The following DRD2 variants were observed in gnomAD, a reference collection of about 807,000 sequenced individuals.
DRD2 encodes the protein dopamine receptor D2.
A neutral mutation model predicts 38.0 loss-of-function variants in DRD2; 8 were observed. The ratio of observed to expected loss-of-function variants is 0.21; its 90% CI spans 0.12 to 0.38. The LOEUF (loss-of-function observed/expected upper bound fraction) is 0.38. Among genes scored for constraint, DRD2 ranks in the 10% least tolerant of loss-of-function variants. DRD2 has a pLI of 1.00. For synonymous variants in DRD2, 230 were observed against 238.6 expected (o/e 0.96, Z 0.33); for missense variants, 403 against 607.7 (o/e 0.66, Z 3.54).
intron 4 of DRD2, among the ~76,000 whole-genome samples, chr11:113,416,423 G>T (rs765837866): frequency 3.3e-5 from 5 of 152,176 alleles, no homozygotes; most frequent in Non-Finnish European, 7.3e-5. Flanking sequence ...GGTGGCTAAG[G>T]CCTGACCTGG....
intron 1 of DRD2, among the ~76,000 whole-genome samples, chr11:113,460,727 C>T (rs12291794): frequency 8.5e-5 from 13 of 152,328 alleles, no homozygotes; most frequent in African/African-American, 2.4e-4. Flanking sequence ...GTGACGTTAC[C>T]GTGGAGACAG....
At chr11:113,452,058 G>A (rs550230803) in intron 1 of DRD2, among the ~76,000 whole-genome samples, 68 of 152,178 alleles carry the variant, frequency 4.5e-4, no homozygotes, top group Non-Finnish European at 7.6e-4. Context: ...AGCAGCCCAA[G>A]AGGCCTGCAG....
intron 2 of DRD2, among the ~76,000 whole-genome samples, chr11:113,423,815 C>G (rs1950908980): frequency 1.3e-5 from 2 of 152,162 alleles, no homozygotes; most frequent in Non-Finnish European, 2.9e-5. Flanking sequence ...CCAGGATAAG[C>G]TGTGGGAAGG....
At chr11:113,474,242 A>C (rs917254673) in intron 1 of DRD2, 3 of 152,376 alleles carry the variant, frequency 2.0e-5, no homozygotes, top group African/African-American at 7.2e-5. Flanking sequence ...CTGCTCTTCA[A>C]GAGGAAGCAC....
chr11:113,466,868 CAAG>C (rs1174955368), intron 1 of DRD2, among the ~76,000 whole-genome samples: 4 of 152,164 alleles, frequency 2.6e-5, no homozygotes, highest in African/African-American at 9.7e-5. Context: ...GTGGAGAAGA[CAAG>C]AAATGCACAA....
intron 7 of DRD2, chr11:113,411,809 G>A (rs1950772532): frequency 6.6e-6 from 1 of 152,536 alleles, no homozygotes; most frequent in Non-Finnish European, 1.5e-5. Context: ...CACGCCCCAG[G>A]ATCATCCGGC....
chr11:113,444,286 C>T (rs577150695), intron 1 of DRD2, among the ~76,000 whole-genome samples: 1 of 152,320 alleles, frequency 6.6e-6, no homozygotes, highest in African/African-American at 2.4e-5. Context: ...ATCTGCGTGC[C>T]TCAGCCTCCC....
intron 1 of DRD2, among the ~76,000 whole-genome samples, chr11:113,459,253 T>C (rs1951294265): frequency 6.6e-6 from 1 of 152,234 alleles, no homozygotes. Flanking sequence ...ATAAATTGAA[T>C]GTACTGTGGG....
At chr11:113,438,395 A>G (rs775701665) in intron 1 of DRD2, among the ~76,000 whole-genome samples, 7 of 152,172 alleles carry the variant, frequency 4.6e-5, no homozygotes, top group African/African-American at 7.2e-5. Context: ...TAGGTGCCCA[A>G]TAAGTGGCAG....
chr11:113,470,971 C>A (rs1384836011), intron 1 of DRD2, among the ~76,000 whole-genome samples: 1 of 152,226 alleles, frequency 6.6e-6, no homozygotes, highest in African/African-American at 2.4e-5. Flanking sequence ...GGCATCCCAG[C>A]TGCCAAGGGT....
intron 2 of DRD2, among the ~76,000 whole-genome samples, chr11:113,420,505 T>C (rs1443658689): frequency 1.3e-5 from 2 of 152,220 alleles, no homozygotes; most frequent in African/African-American, 4.8e-5. Context: ...CATTGCACTT[T>C]ATCTCATGTA....
chr11:113,430,647 A>C (rs1317945433), intron 1 of DRD2, among the ~76,000 whole-genome samples: 1 of 152,192 alleles, frequency 6.6e-6, no homozygotes, highest in African/African-American at 2.4e-5. Flanking sequence ...GTTGGGCTCC[A>C]AGGGGCATCC....
At chr11:113,439,946 T>C (rs998885423) in intron 1 of DRD2, among the ~76,000 whole-genome samples, 6 of 145,460 alleles carry the variant, frequency 4.1e-5, no homozygotes, top group African/African-American at 1.3e-4. Flanking sequence ...AGAACCAGGA[T>C]TGCAATTAAG....
At position 113,415,322 on chromosome 11, in the gene DRD2, T is replaced by C. The variant is rs566751371; in HGVS notation, c.723+99A>G. 6.9e-5 allele frequency: 100 copies of C among 1,459,150 alleles called. No homozygotes were observed. In the East Asian group the frequency reaches 1.9e-3, roughly 27 times the overall value. 90.4% of individuals were successfully genotyped at this position (1,459,150 alleles called of 1,614,324 possible). A position where few individuals can be genotyped will look rare whatever the true frequency, so the allele number is the denominator to read the frequency against. ...AATTCCTTTAGCCTAGACCTAACCCTTGCTGAGGTTTCCCAAGCCCCCACC... is the reference window on the plus strand; with the variant it reads ...AATTCCTTTAGCCTAGACCTAACCCCTGCTGAGGTTTCCCAAGCCCCCACC... On this transcript the variant is annotated intron_variant, in intron 5 of 7. Coordinates refer to ENST00000362072, the MANE Select transcript of DRD2 (RefSeq NM_000795.4).
At chr11:113,471,334 G>A (rs545017076) in intron 1 of DRD2, among the ~76,000 whole-genome samples, 1 of 152,324 alleles carries the variant, frequency 6.6e-6, no homozygotes, top group South Asian at 2.1e-4. Context: ...AAAGGCCAGA[G>A]ATAACATTAG....
chr11:113,417,590 C>G (rs924812402), intron 3 of DRD2, among the ~76,000 whole-genome samples: 2 of 152,134 alleles, frequency 1.3e-5, no homozygotes, highest in African/African-American at 4.8e-5. Context: ...TGGCCTGGGA[C>G]CCTTGGCCAT....
At chr11:113,467,143 T>A (rs545414039) in intron 1 of DRD2, among the ~76,000 whole-genome samples, 3 of 152,198 alleles carry the variant, frequency 2.0e-5, no homozygotes, top group East Asian at 3.9e-4. Flanking sequence ...GACCCTGCCA[T>A]AAATGAGTGA....
chr11:113,411,054 A>C lies in DRD2; in HGVS notation c.1139-134T>G, dbSNP rs2734841. On this transcript the variant is annotated intron_variant, in intron 7 of 7. Coordinates refer to ENST00000362072, the MANE Select transcript of DRD2 (RefSeq NM_000795.4). ...CACAGAAGCACTGTAGGAGGAGTCC[A>C]GGTCTTGGATCCTAGACCTGCCTCT... is the stretch of plus-strand genomic sequence containing the variant. 607,727 of 916,124 alleles carry C rather than the reference A, an allele frequency of 0.66. 206,038 individuals are homozygous for C. Among genetic ancestry groups the C allele is most frequent in the Non-Finnish European group, 0.7 (430,905 of 611,446 alleles). 56.7% of individuals were successfully genotyped at this position (916,124 alleles called of 1,614,324 possible).
At chr11:113,468,675 G>A (rs1388255352) in intron 1 of DRD2, among the ~76,000 whole-genome samples, 1 of 152,170 alleles carries the variant, frequency 6.6e-6, no homozygotes, top group Admixed American at 6.5e-5. Context: ...AGCCTCCTGA[G>A]TAGCTGAGAC....
Sources: allele counts gnomAD v4.1 joint callset (sites outside exome capture counted in the v4.1 genomes callset), GRCh38; gene constraint gnomAD v4.1.1; transcripts MANE v1.5; gene names NCBI Gene and HGNC (gene_info 2026-07-23, HGNC 2026-07-21).